UTRN: variants seen among roughly 807,000 people sequenced by gnomAD.
The protein encoded by UTRN is utrophin.
In UTRN, 283 loss-of-function variants were observed where a neutral mutation model predicts 463.9. The ratio of observed to expected loss-of-function variants is 0.61; its 90% CI spans 0.55 to 0.67. The LOEUF (loss-of-function observed/expected upper bound fraction) is 0.67. Ranked by LOEUF, UTRN falls within the 30% of genes least tolerant of loss-of-function variation. The pLI is 0.00. For synonymous variants in UTRN, 1,442 were observed against 1,431.5 expected, an observed-to-expected ratio of 1.01 and a Z score of -0.17; for missense variants, 3,922 against 4,084.3, an observed-to-expected ratio of 0.96 and a Z score of 1.08.
chr6:144,514,538 T>C, intron 36 of UTRN, 112 bp from the exon 37 acceptor site: 1 of 1,145,324 alleles, frequency 8.7e-7, no homozygotes, highest in Non-Finnish European at 1.2e-6. Context: ...TGAAATCTCT[T>C]ACTGGGGATC....
At chr6:144,298,075 G>A (rs1382828999) in intron 2 of UTRN, among the ~76,000 whole-genome samples, 3 of 152,028 alleles carry the variant, frequency 2.0e-5, no homozygotes, top group Non-Finnish European at 2.9e-5. Flanking sequence ...ATGGAGAAAG[G>A]GTACTCTGCT....
intron 2 of UTRN, among the ~76,000 whole-genome samples, chr6:144,364,843 T>C (rs1343570055): frequency 6.6e-6 from 1 of 152,186 alleles, no homozygotes; most frequent in East Asian, 1.9e-4. Context: ...TCTTTAGTCT[T>C]CAAAACCAAC....
chr6:144,812,492 A>G (rs773146847), intron 65 of UTRN, among the ~76,000 whole-genome samples: 3 of 152,202 alleles, frequency 2.0e-5, no homozygotes, highest in African/African-American at 4.8e-5. Context: ...CATAGATTTC[A>G]GCATAAAGTA....
chr6:144,396,585 G>A (rs1371871901), intron 2 of UTRN, among the ~76,000 whole-genome samples: 2 of 152,168 alleles, frequency 1.3e-5, no homozygotes, highest in South Asian at 2.1e-4. Flanking sequence ...CGATTGAATT[G>A]TAAACTTTAA....
At chr6:144,342,220 C>A (rs1461459665) in intron 2 of UTRN, among the ~76,000 whole-genome samples, 1 of 152,022 alleles carries the variant, frequency 6.6e-6, no homozygotes, top group Non-Finnish European at 1.5e-5. Flanking sequence ...AAATGGGTAT[C>A]CACATACACT....
Position 144,520,926 on chromosome 6 carries a change from A to G in UTRN, c.5542-1054A>G, listed in dbSNP as rs539622649. ...ACTTATTAAATTGTGGCCATCTAGG[A>G]GTAAAGGGTTTGAACTCCTGAAGGA... is the stretch of plus-strand genomic sequence containing the variant. On this transcript the variant is annotated intron_variant, in intron 39 of 74. Coordinates refer to ENST00000367545, the MANE Select transcript of UTRN (RefSeq NM_007124.3). Among the ~76,000 whole-genome samples, 6 of 152,212 alleles carry G rather than the reference A, an allele frequency of 3.9e-5. No homozygotes were observed. The South Asian group carries it at 1.2e-3, about 32-fold the overall frequency.
intron 2 of UTRN, among the ~76,000 whole-genome samples, chr6:144,300,684 G>A (rs975702972): frequency 1.3e-5 from 2 of 152,148 alleles, no homozygotes; most frequent in Non-Finnish European, 2.9e-5. Flanking sequence ...TTAAGATTAA[G>A]GATCAAAAAG....
Position 144,473,801 on chromosome 6 carries a change from G to A in UTRN, c.3148G>A (p.Ala1050Thr), listed in dbSNP as rs748671773. 33 of 1,613,966 alleles carry A rather than the reference G, an allele frequency of 2.0e-5. No homozygotes were observed. The highest frequency in any genetic ancestry group is 3.3e-5 in the Admixed American group (2 of 60,000). The change falls in exon 24 of 75, where the codon GCA becomes ACA. Residue 1050 changes from alanine (A) to threonine (T), a missense_variant. Physicochemically the swap from Ala to Thr is moderately conservative, Grantham distance 58. Coordinates refer to ENST00000367545, the MANE Select transcript of UTRN (RefSeq NM_007124.3). The stretch of plus-strand genomic sequence containing the variant: ...ACAGCAGGCTGCCCAAGGAGACGAC[G>A]CAGGTCTACAGAGGCAGTTAGACCA... ...MKQQAAQGDD[A>T]GLQRQLDQCS... is the part of the protein sequence containing the mutation.
chr6:144,839,342 T>A, intron 72 of UTRN, 58 bp downstream of exon 72: 1 of 1,429,298 alleles, frequency 7.0e-7, no homozygotes, highest in East Asian at 2.3e-5. Context: ...TTGCCATTAG[T>A]TTGTGTTTCC....
chr6:144,564,675 A>G (rs1208773937), intron 50 of UTRN, among the ~76,000 whole-genome samples: 1 of 152,088 alleles, frequency 6.6e-6, no homozygotes, highest in African/African-American at 2.4e-5. Context: ...TGCTGAGTGA[A>G]GGGGGAAGAG....
intron 53 of UTRN, among the ~76,000 whole-genome samples, chr6:144,707,784 C>T (rs1173876331): frequency 6.6e-6 from 1 of 152,126 alleles, no homozygotes; most frequent in Non-Finnish European, 1.5e-5. Flanking sequence ...TGCTATTAGT[C>T]TATTGACCAC....
chr6:144,469,905 T>C (rs980110116), intron 23 of UTRN, among the ~76,000 whole-genome samples: 1 of 151,952 alleles, frequency 6.6e-6, no homozygotes, highest in Non-Finnish European at 1.5e-5. Context: ...GTGATGACTC[T>C]TAACGAGCAT....
At chr6:144,789,011 T>C (rs1038344121) in intron 61 of UTRN, among the ~76,000 whole-genome samples, 183 bp from the exon 62 acceptor site, 1 of 152,260 alleles carries the variant, frequency 6.6e-6, no homozygotes, top group Non-Finnish European at 1.5e-5. Flanking sequence ...ACCCTGTTAA[T>C]ATATGTCATG....
At position 144,554,784 on chromosome 6, in the gene UTRN, A is replaced by G. The variant is rs772617808; in HGVS notation, c.7025A>G (p.Asp2342Gly). 1.2e-6 allele frequency: 2 copies of G among 1,614,074 alleles called. No homozygotes were observed. The highest frequency in any genetic ancestry group is 8.5e-7 in the Non-Finnish European group (1 of 1,179,980). ...EDMIIDSLQW[D>G]DHREETEELM... ...ATGATTATTGACAGTCTTCAGTGGG[A>G]TGACCATAGGGAGGAGACTGAAGAA... is the stretch of plus-strand genomic sequence containing the variant. The change falls in exon 49 of 75, where the codon GAT becomes GGT. Residue 2342 changes from aspartate to glycine, a missense_variant. Transcript: ENST00000367545.
At chr6:144,440,526 T>C (rs756206770) in intron 13 of UTRN, 55 bp downstream of exon 13, 5 of 1,608,930 alleles carry the variant, frequency 3.1e-6, no homozygotes, top group South Asian at 1.1e-5. Flanking sequence ...TGAGACCCAA[T>C]TACATATTGC....
chr6:144,584,834 G>A (rs192584637), intron 51 of UTRN, among the ~76,000 whole-genome samples: 1 of 151,952 alleles, frequency 6.6e-6, no homozygotes, highest in East Asian at 1.9e-4. Flanking sequence ...TTATTTCAAT[G>A]TGTTGTGTTT....
At chr6:144,794,322 C>G (rs1174358444) in intron 63 of UTRN, among the ~76,000 whole-genome samples, 1 of 152,140 alleles carries the variant, frequency 6.6e-6, no homozygotes. Flanking sequence ...TTCCTTGATT[C>G]CTGCCTCAGC....
At position 144,539,330 on chromosome 6, in the gene UTRN, C is replaced by T; in HGVS notation, c.6406C>T (p.Leu2136Phe). 1 of 1,612,786 alleles carries T rather than the reference C, an allele frequency of 6.2e-7. No individual in the cohort carries two copies. Among genetic ancestry groups the T allele is most frequent in the Non-Finnish European group, 8.5e-7 (1 of 1,179,496 alleles). ...TQEMEVHAEK[L>F]KWLNRTELEM... ...AGAAATGGAAGTACATGCTGAAAAACTCAAATGGCTGAATAGAACTGAATT... is the reference window on the plus strand; with the variant it reads ...AGAAATGGAAGTACATGCTGAAAAATTCAAATGGCTGAATAGAACTGAATT... The change falls in exon 45 of 75, where the codon CTC becomes TTC. Residue 2136 changes from leucine (L) to phenylalanine (F), a missense_variant. Transcript: ENST00000367545.
intron 41 of UTRN, among the ~76,000 whole-genome samples, chr6:144,524,814 T>C (rs1796419866): frequency 6.6e-6 from 1 of 152,192 alleles, no homozygotes; most frequent in Non-Finnish European, 1.5e-5. Flanking sequence ...CAGTATAATG[T>C]TGGCTATGGG....
Sources: allele counts gnomAD v4.1 joint callset (sites outside exome capture counted in the v4.1 genomes callset), GRCh38; gene constraint gnomAD v4.1.1; transcripts MANE v1.5; gene names NCBI Gene and HGNC (gene_info 2026-07-23, HGNC 2026-07-21).